Variants in TP53BP1 observed in about 807,000 individuals in gnomAD.
TP53BP1 encodes TP53-binding protein 1.
A neutral mutation model predicts 200.8 loss-of-function variants in TP53BP1; 61 were observed. The observed-to-expected ratio is 0.30, with a 90% CI of 0.25 to 0.38. TP53BP1 has a LOEUF of 0.38. TP53BP1 is among the 10% of genes least tolerant of loss of function. TP53BP1 has a pLI of 1.00. For missense variants in TP53BP1, 2,144 were observed against 2,371.9 expected (o/e 0.90, Z 2.00); for synonymous variants, 822 against 844.3 (o/e 0.97, Z 0.46).
chr15:43,405,560 T>G lies in TP53BP1; in HGVS notation c.*1823A>C. Reference sequence around the variant, plus strand: ...GAGATACAGCGGTAAACAAACAATATAGAGCAGAAAGTTAAATATTTTATG... The same window carrying G: ...GAGATACAGCGGTAAACAAACAATAGAGAGCAGAAAGTTAAATATTTTATG... On this transcript the variant is annotated 3_prime_UTR_variant, in exon 28 of 28. Transcript: ENST00000382044. 1 of 269,950 alleles carries G rather than the reference T, an allele frequency of 3.7e-6. No homozygotes were observed. The highest frequency in any genetic ancestry group is 7.0e-6 in the Non-Finnish European group (1 of 143,052). The allele number at this position is 269,950 out of a possible 1,614,324, so 16.7% of individuals were successfully genotyped here. A position where few individuals can be genotyped will look rare whatever the true frequency, so the allele number is the denominator to read the frequency against.
chr15:43,412,963 A>C (rs1391129810), intron 24 of TP53BP1, among the ~76,000 whole-genome samples, 156 bp downstream of exon 24: 1 of 152,244 alleles, frequency 6.6e-6, no homozygotes, highest in Admixed American at 6.5e-5. Context: ...AGAAACTGTT[A>C]AAAAGCAGGA....
chr15:43,447,576 CA>C, intron 12 of TP53BP1, 91 bp from the exon 13 acceptor site: 1 of 1,184,584 alleles, frequency 8.4e-7, no homozygotes, highest in Non-Finnish European at 1.1e-6. Flanking sequence ...ATAAGAACTG[CA>C]AGAAATATTT....
At chr15:43,451,876 T>C (rs980500310) in intron 12 of TP53BP1, among the ~76,000 whole-genome samples, 3 of 152,228 alleles carry the variant, frequency 2.0e-5, no homozygotes, top group Non-Finnish European at 4.4e-5. Flanking sequence ...GGCTCATACC[T>C]GTAATCCCGG....
intron 8 of TP53BP1, 110 bp from the exon 9 acceptor site, chr15:43,475,804 T>A: frequency 7.5e-7 from 1 of 1,330,838 alleles, no homozygotes; most frequent in South Asian, 1.4e-5. Flanking sequence ...ATTTCCATAT[T>A]TCCAAAAGGG....
chr15:43,502,890 T>A (rs2079216721), intron 1 of TP53BP1, among the ~76,000 whole-genome samples: 2 of 151,882 alleles, frequency 1.3e-5, no homozygotes, highest in African/African-American at 4.8e-5. Flanking sequence ...GTAGCTGGGA[T>A]TACAGGCGCA....
intron 4 of TP53BP1, among the ~76,000 whole-genome samples, chr15:43,483,233 A>AACACACACACACACACAC (rs71431896): frequency 1.4e-3 from 193 of 142,812 alleles, no homozygotes; most frequent in African/African-American, 4.8e-3. Context: ...AAAAGTACAG[A>AACACACACACACACACAC]ACACACACAC....
At position 43,456,747 on chromosome 15, in the gene TP53BP1, A is replaced by T; in HGVS notation, c.1861T>A (p.Cys621Ser). ...CCCGAATCACAAGTGAGATCAATAC[A>T]AACATCTTCTGCTACCGTTTCTTCT... is the stretch of plus-strand genomic sequence containing the variant. ...GREETVAEDV[C>S]IDLTCDSGSQ... Residue 621 changes from cysteine to serine, a missense_variant, in exon 12 of 28, where the codon TGT (cysteine) becomes AGT (serine). Cys to Ser is a moderately radical substitution (Grantham distance 112). This residue lies in a region of TP53BP1 where 1,700 missense variants were observed against 1,710.3 expected (regional missense o/e 0.99). Coordinates refer to ENST00000382044, the MANE Select transcript of TP53BP1 (RefSeq NM_001141980.3). 1 of 1,614,130 alleles carries T rather than the reference A, an allele frequency of 6.2e-7. No individual in the cohort carries two copies. The highest frequency in any genetic ancestry group is 8.5e-7 in the Non-Finnish European group (1 of 1,180,046).
At chr15:43,509,538 A>C (rs1265092602) in intron 1 of TP53BP1, among the ~76,000 whole-genome samples, 1 of 152,082 alleles carries the variant, frequency 6.6e-6, no homozygotes, top group East Asian at 1.9e-4. Flanking sequence ...CCTCCCGAGT[A>C]GCTGGGATTA....
intron 11 of TP53BP1, among the ~76,000 whole-genome samples, chr15:43,466,884 T>C (rs187872097): frequency 5.3e-5 from 8 of 152,178 alleles, no homozygotes; most frequent in Non-Finnish European, 1.2e-4. Context: ...AATCATGCTA[T>C]GTAGAATTAT....
At chr15:43,444,645 G>C (rs1229766852) in intron 14 of TP53BP1, among the ~76,000 whole-genome samples, 3 of 152,144 alleles carry the variant, frequency 2.0e-5, no homozygotes, top group Non-Finnish European at 4.4e-5. Flanking sequence ...ATAATAATAG[G>C]ATCTAGTTCA....
chr15:43,490,136 C>A (rs1244136958), intron 4 of TP53BP1, among the ~76,000 whole-genome samples: 2 of 152,036 alleles, frequency 1.3e-5, no homozygotes, highest in Non-Finnish European at 2.9e-5. Context: ...GTCACCCAGG[C>A]TAGAGTGCAG....
intron 12 of TP53BP1, among the ~76,000 whole-genome samples, chr15:43,453,193 CAA>C (rs34555611): frequency 1.4e-4 from 6 of 41,434 alleles, no homozygotes; most frequent in Admixed American, 9.2e-4. Context: ...GACTCCGTCT[CAA>C]AAAAAAAAAA....
intron 17 of TP53BP1, among the ~76,000 whole-genome samples, chr15:43,428,646 G>T (rs1002254496): frequency 2.6e-5 from 4 of 152,092 alleles, no homozygotes; most frequent in Non-Finnish European, 5.9e-5. Context: ...GTATTAAAGT[G>T]AAAACCACAG....
At chr15:43,411,079 AT>A (rs575505283) in intron 24 of TP53BP1, among the ~76,000 whole-genome samples, 1,542 of 152,276 alleles carry the variant, frequency 0.01, 11 homozygotes, top group Middle Eastern at 0.031. Context: ...ACAGTCCTGT[AT>A]TTTTCTCAAG....
Position 43,456,706 on chromosome 15 carries a change from CG to C in TP53BP1, c.1901del (p.Pro634ArgfsTer14). On this transcript the variant is annotated frameshift_variant, in exon 12 of 28. Coordinates refer to ENST00000382044, the MANE Select transcript of TP53BP1 (RefSeq NM_001141980.3). LOFTEE classifies it high-confidence loss of function. ...LTCDSGSQAV[P>X]SPATRSEALS... Reference sequence around the variant, plus strand: ...GTGCCTCAGATCGAGTAGCTGGTGACGGAACTGCCTGACTCCCCGAATCACA... The same window carrying C: ...GTGCCTCAGATCGAGTAGCTGGTGACGAACTGCCTGACTCCCCGAATCACA... The C allele has an allele frequency of 6.2e-7, 1 of 1,614,088 alleles. No individual in the cohort carries two copies. Among genetic ancestry groups the C allele is most frequent in the Non-Finnish European group, 8.5e-7 (1 of 1,180,034 alleles).
chr15:43,480,152 A>G, intron 5 of TP53BP1, 135 bp from the exon 6 acceptor site: 2 of 761,762 alleles, frequency 2.6e-6, no homozygotes, highest in South Asian at 2.1e-5. Context: ...TTTTTCAAAA[A>G]TAAAAAATAA....
chr15:43,416,803 C>T (rs1421269340), intron 21 of TP53BP1: 1 of 162,052 alleles, frequency 6.2e-6, no homozygotes, highest in African/African-American at 2.4e-5. Flanking sequence ...AGTAGTAAGT[C>T]TTGAGTTAAG....
intron 5 of TP53BP1, among the ~76,000 whole-genome samples, chr15:43,480,433 G>A (rs1022885344): frequency 2.0e-5 from 3 of 151,890 alleles, no homozygotes; most frequent in South Asian, 2.1e-4. Flanking sequence ...GGGCAACAGA[G>A]CAAGACTCCG....
At chr15:43,474,590 AAAG>A (rs1342717488) in intron 10 of TP53BP1, 80 bp downstream of exon 10, 23 of 900,346 alleles carry the variant, frequency 2.6e-5, no homozygotes, top group Non-Finnish European at 3.9e-5. Flanking sequence ...TCTAAAGTAC[AAAG>A]AAGTAGTACA....
Sources: allele counts gnomAD v4.1 joint callset (sites outside exome capture counted in the v4.1 genomes callset), GRCh38; gene constraint gnomAD v4.1.1; regional missense constraint gnomAD v4.1.1; transcripts MANE v1.5; gene names NCBI Gene and HGNC (gene_info 2026-07-23, HGNC 2026-07-21).